ANKRD46: variants seen among roughly 807,000 people sequenced by gnomAD.
ANKRD46 encodes ankyrin repeat domain 46.
ANKRD46 carries 13 observed loss-of-function variants against 19.8 expected under a neutral mutation model. The observed-to-expected ratio is 0.66, with a 90% CI of 0.43 to 1.04. The LOEUF is 1.04. ANKRD46 is among the 50% of genes least tolerant of loss of function. ANKRD46 has a pLI of 0.00. For missense variants in ANKRD46, 185 were observed against 274.8 expected (o/e 0.67, Z 2.31); for synonymous variants, 91 against 106.9 (o/e 0.85, Z 0.92).
In ANKRD46 at chr8:100,545,863, T is replaced by C. The variant is rs928815538; in HGVS notation, c.-130-12552A>G. Among the ~76,000 whole-genome samples the C allele has an allele frequency of 2.0e-5, 3 of 152,256 alleles. No individual in the cohort carries two copies. Among genetic ancestry groups the C allele is most frequent in the South Asian group, 2.1e-4 (1 of 4,832 alleles). On this transcript the variant is annotated intron_variant, in intron 1 of 4. Coordinates refer to ENST00000335659, the MANE Select transcript of ANKRD46 (RefSeq NM_001270377.2). The surrounding 1 kb of genome is among the most constrained non-coding windows in gnomAD (Gnocchi z 4.7). ...GAACTGGAGTAAAGGTCACTCATGCTATGCTTTAGCAAAAAGACTGGTGGC... is the reference window on the plus strand; with the variant it reads ...GAACTGGAGTAAAGGTCACTCATGCCATGCTTTAGCAAAAAGACTGGTGGC...
intron 1 of ANKRD46, chr8:100,551,238 C>T (rs140684566): frequency 1.5e-3 from 694 of 466,244 alleles, no homozygotes; most frequent in Non-Finnish European, 1.7e-3. Flanking sequence ...TGGGCTTGGC[C>T]GGGGGATTAA....
chr8:100,519,069 G>T (rs1292225247), downstream of ANKRD46, among the ~76,000 whole-genome samples: 1 of 152,070 alleles, frequency 6.6e-6, no homozygotes, highest in Non-Finnish European at 1.5e-5. Flanking sequence ...AACAACTATG[G>T]TCCCTGCCCA....
chr8:100,525,726 C>T lies in ANKRD46; in HGVS notation c.470+2119G>A, dbSNP rs561822013. 1.6e-3 allele frequency among the ~76,000 whole-genome samples: 239 copies of T among 152,236 alleles called. 1 individual carries two copies. The highest frequency in any genetic ancestry group is 2.9e-3 in the Non-Finnish European group (200 of 68,008). On this transcript the variant is annotated intron_variant, in intron 4 of 4. Transcript: ENST00000335659. The surrounding 1 kb of genome is among the most constrained non-coding windows in gnomAD (Gnocchi z 4.4). The stretch of plus-strand genomic sequence containing the variant: ...CATTCATATATAAGTTTTGTGTGGA[C>T]ATATGTTTCAATTTTCTTTGGTATA...
intron 1 of ANKRD46, among the ~76,000 whole-genome samples, chr8:100,554,189 G>A (rs1812448924): frequency 6.6e-6 from 1 of 152,108 alleles, no homozygotes; most frequent in Non-Finnish European, 1.5e-5. Context: ...TTTGGTCTTG[G>A]AATTGTTTCT....
Position 100,521,361 on chromosome 8 carries a change from G to C in ANKRD46, c.*1194C>G. The C allele has an allele frequency of 1.0e-6, 1 of 985,230 alleles. No homozygotes were observed. Among genetic ancestry groups the C allele is most frequent in the East Asian group, 1.1e-4 (1 of 8,816 alleles). The allele number at this position is 985,230 out of a possible 1,614,324, so 61.0% of individuals were successfully genotyped here. A position where few individuals can be genotyped will look rare whatever the true frequency, so the allele number is the denominator to read the frequency against. ...ACTTTACCCAATAAATAATTATCAA[G>C]CCTTCATATTCTTTTTTAACCACTC... On this transcript the variant is annotated 3_prime_UTR_variant, in exon 5 of 5. Transcript: ENST00000335659.
intron 2 of ANKRD46, 56 bp downstream of exon 2, chr8:100,533,153 G>A (rs1043096946): frequency 6.6e-6 from 1 of 152,196 alleles, no homozygotes; most frequent in Non-Finnish European, 1.5e-5. Context: ...CTGTCCTAAA[G>A]CAGTTCACTG....
In ANKRD46 at chr8:100,528,005, T is replaced by TAAAA. The variant is rs746946951; in HGVS notation, c.312-6_312-3dup. The TAAAA allele has an allele frequency of 8.6e-5, 100 of 1,165,444 alleles. No individual in the cohort carries two copies. Among genetic ancestry groups the TAAAA allele is most frequent in the Admixed American group, 4.9e-4 (9 of 18,408 alleles). The allele number at this position is 1,165,444 out of a possible 1,614,324, so 72.2% of individuals were successfully genotyped here. ...AAAGGGGTAGCACCTTGATGATTGC[T>TAAAA]AAAAAAAAAAAAAAAAAAAAAAGTT... On this transcript the variant is annotated splice_region_variant and splice_polypyrimidine_tract_variant and intron_variant, in intron 3 of 4. Coordinates refer to ENST00000335659, the MANE Select transcript of ANKRD46 (RefSeq NM_001270377.2).
downstream of ANKRD46, among the ~76,000 whole-genome samples, chr8:100,519,460 C>T (rs1811686427): frequency 6.6e-6 from 1 of 152,166 alleles, no homozygotes; most frequent in Non-Finnish European, 1.5e-5. Flanking sequence ...TGGGGTCAAC[C>T]CTACCTTTTT....
At chr8:100,540,127 T>C (rs1812147110) in intron 1 of ANKRD46, among the ~76,000 whole-genome samples, 1 of 152,122 alleles carries the variant, frequency 6.6e-6, no homozygotes, top group African/African-American at 2.4e-5. Flanking sequence ...TTTCCTATAA[T>C]AACTCATTTA....
At chr8:100,538,594 G>T (rs1157177826) in intron 1 of ANKRD46, among the ~76,000 whole-genome samples, 1 of 152,094 alleles carries the variant, frequency 6.6e-6, no homozygotes, top group Non-Finnish European at 1.5e-5. Context: ...GTTTGAAGAG[G>T]ATACTAAGGG....
Position 100,532,257 on chromosome 8 carries a change from AG to A in ANKRD46, c.-28+951del, listed in dbSNP as rs1312387446. 6.6e-6 allele frequency: 1 copy of A among 152,252 alleles called. No individual in the cohort carries two copies. The highest frequency in any genetic ancestry group is 1.5e-5 in the Non-Finnish European group (1 of 68,074). The allele number at this position is 152,252 out of a possible 1,614,324, so 9.4% of individuals were successfully genotyped here. ...AAAATGGGAGGATAGCTTGAAGCCC[AG>A]GAGTTCGAAACTAGCCTGGGCAACA... On this transcript the variant is annotated intron_variant, in intron 2 of 4. Coordinates refer to ENST00000335659, the MANE Select transcript of ANKRD46 (RefSeq NM_001270377.2). The surrounding 1 kb of genome is among the most constrained non-coding windows in gnomAD (Gnocchi z 4.7).
chr8:100,531,993 G>A (rs1029620571), intron 2 of ANKRD46, among the ~76,000 whole-genome samples: 1 of 152,152 alleles, frequency 6.6e-6, no homozygotes. Context: ...GGCAGAAGGG[G>A]ACGCACTGGA....
At chr8:100,517,395 G>A (rs1047941332), downstream of ANKRD46, among the ~76,000 whole-genome samples, 9 of 152,212 alleles carry the variant, frequency 5.9e-5, no homozygotes, top group African/African-American at 1.2e-4. Flanking sequence ...AATTTTCAAC[G>A]TTGCCAAGTT....
chr8:100,511,622 G>C lies in ANKRD46; in HGVS notation c.637-983C>G, dbSNP rs1406761427. Among the ~76,000 whole-genome samples the C allele has an allele frequency of 6.6e-6, 1 of 152,198 alleles. No homozygotes were observed. The highest frequency in any genetic ancestry group is 1.5e-5 in the Non-Finnish European group (1 of 68,032). On this transcript the variant is annotated intron_variant, in intron 5 of 5. Transcript: ENST00000520552. This position sits in a 1 kb window ranked among gnomAD's most constrained non-coding sequence, Gnocchi z 4.1. ...TTTTAAAAGGTTGACATTGAAATAA[G>C]TTGACTGTCTGTATTTATTCCATGG...
At position 100,533,289 on chromosome 8, in the gene ANKRD46, T is replaced by C. The variant is rs574598472; in HGVS notation, c.-108A>G. The C allele has an allele frequency of 6.6e-6, 1 of 152,332 alleles. No homozygotes were observed. The highest frequency in any genetic ancestry group is 2.1e-4 in the South Asian group (1 of 4,824). The allele number at this position is 152,332 out of a possible 1,614,324, so 9.4% of individuals were successfully genotyped here. Reference sequence around the variant, plus strand: ...TTCTCAAGAAGGTTCAACAAAAATATTCTGTAATGTGCTGGCAAGGATCTA... The same window carrying C: ...TTCTCAAGAAGGTTCAACAAAAATACTCTGTAATGTGCTGGCAAGGATCTA... On this transcript the variant is annotated 5_prime_UTR_variant, in exon 2 of 5. Transcript: ENST00000335659.
At position 100,520,908 on chromosome 8, in the gene ANKRD46, C is replaced by T; in HGVS notation, c.*1647G>A. On this transcript the variant is annotated 3_prime_UTR_variant, in exon 5 of 5. Transcript: ENST00000335659. ...TATACTTACATTTTGACCAATTTTG[C>T]ATATTTGTTTAGATTTACAAACAAA... 2.0e-6 allele frequency: 2 copies of T among 984,598 alleles called. No homozygotes were observed. Among genetic ancestry groups the T allele is most frequent in the East Asian group, 1.1e-4 (1 of 8,816 alleles). 61.0% of individuals were successfully genotyped at this position (984,598 alleles called of 1,614,324 possible).
At position 100,544,056 on chromosome 8, in the gene ANKRD46, T is replaced by C. The variant is rs902922308; in HGVS notation, c.-130-10745A>G. On this transcript the variant is annotated intron_variant, in intron 1 of 4. Coordinates refer to ENST00000335659, the MANE Select transcript of ANKRD46 (RefSeq NM_001270377.2). The surrounding 1 kb of genome is among the most constrained non-coding windows in gnomAD (Gnocchi z 4.4). ...GGACTTTGCACACTTAGAACTTAAC[T>C]CCACTGCCCAGATCTTGACCTACAA... 1.3e-5 allele frequency among the ~76,000 whole-genome samples: 2 copies of C among 152,188 alleles called. No homozygotes were observed. The highest frequency in any genetic ancestry group is 2.4e-5 in the African/African-American group (1 of 41,434).
Position 100,520,932 on chromosome 8 carries a change from A to T in ANKRD46, c.*1623T>A. 1.0e-6 allele frequency: 1 copy of T among 984,926 alleles called. No homozygotes were observed. Among genetic ancestry groups the T allele is most frequent in the Non-Finnish European group, 1.2e-6 (1 of 829,502 alleles). 61.0% of individuals were successfully genotyped at this position (984,926 alleles called of 1,614,324 possible). A position where few individuals can be genotyped will look rare whatever the true frequency, so the allele number is the denominator to read the frequency against. On this transcript the variant is annotated 3_prime_UTR_variant, in exon 5 of 5. Transcript: ENST00000335659. ...GCATATTTGTTTAGATTTACAAACAAATGTAAAGCTAATTCCAAAGTTTTC... is the reference window on the plus strand; with the variant it reads ...GCATATTTGTTTAGATTTACAAACATATGTAAAGCTAATTCCAAAGTTTTC...
chr8:100,523,675 A>T (rs910747285), intron 4 of ANKRD46, among the ~76,000 whole-genome samples: 1 of 150,998 alleles, frequency 6.6e-6, no homozygotes, highest in African/African-American at 2.4e-5. Context: ...ACAGAATCTC[A>T]CTCTGCCGCC....
Sources: allele counts gnomAD v4.1 joint callset (sites outside exome capture counted in the v4.1 genomes callset), GRCh38; gene constraint gnomAD v4.1.1; non-coding constraint Gnocchi (gnomAD v3.1); transcripts MANE v1.5; gene names NCBI Gene and HGNC (gene_info 2026-07-23, HGNC 2026-07-21).